NPEPPS: variants seen among roughly 807,000 people sequenced by gnomAD.
NPEPPS encodes the protein puromycin-sensitive aminopeptidase.
A neutral mutation model predicts 115.5 loss-of-function variants in NPEPPS; 14 were observed. The ratio of observed to expected loss-of-function variants is 0.12; its 90% CI spans 0.08 to 0.19. The LOEUF is 0.19. Ranked by LOEUF, NPEPPS falls within the 10% of genes least tolerant of loss-of-function variation. The pLI, the probability that NPEPPS is intolerant of heterozygous loss-of-function variation, is 1.00. For missense variants in NPEPPS, 523 were observed against 1,110.8 expected, an observed-to-expected ratio of 0.47 and a Z score of 7.52; for synonymous variants, 285 against 390.6, an observed-to-expected ratio of 0.73 and a Z score of 3.19.
Position 47,591,942 on chromosome 17 carries a change from A to T in NPEPPS, c.1261-14A>T. On this transcript the variant is annotated splice_polypyrimidine_tract_variant and intron_variant, in intron 10 of 22. Transcript: ENST00000322157. Reference sequence around the variant, plus strand: ...CTGCTTCCTGTCATAACCCTGAATCACACTGTCTGCCAGGTCAGTGTGGGC... The same window carrying T: ...CTGCTTCCTGTCATAACCCTGAATCTCACTGTCTGCCAGGTCAGTGTGGGC... 2 of 899,172 alleles carry T rather than the reference A, an allele frequency of 2.2e-6. No homozygotes were observed. Among genetic ancestry groups the T allele is most frequent in the Non-Finnish European group, 3.6e-6 (2 of 563,166 alleles). 55.7% of individuals were successfully genotyped at this position (899,172 alleles called of 1,614,324 possible). A position where few individuals can be genotyped will look rare whatever the true frequency, so the allele number is the denominator to read the frequency against.
chr17:47,604,071 A>G, intron 16 of NPEPPS, 22 bp downstream of exon 16: 2 of 1,596,384 alleles, frequency 1.3e-6, no homozygotes, highest in Non-Finnish European at 1.7e-6. Flanking sequence ...TGACTTAAGT[A>G]ATATGATGGA....
intron 5 of NPEPPS, among the ~76,000 whole-genome samples, chr17:47,585,120 C>T (rs1004387348): frequency 1.3e-5 from 2 of 152,176 alleles, no homozygotes; most frequent in African/African-American, 2.4e-5. Flanking sequence ...AGCCACCGCG[C>T]CTAGCCCCTA....
chr17:47,596,126 C>A, intron 12 of NPEPPS: 1 of 375,262 alleles, frequency 2.7e-6, no homozygotes, highest in South Asian at 2.9e-5. Flanking sequence ...GCACTCTAGC[C>A]TGGGTGATGA....
At chr17:47,544,542 T>G (rs1482798225) in intron 1 of NPEPPS, among the ~76,000 whole-genome samples, 1 of 147,522 alleles carries the variant, frequency 6.8e-6, no homozygotes, top group African/African-American at 2.5e-5. Context: ...ATTTATTTAT[T>G]TATTTATTTT....
chr17:47,535,984 G>A (rs184160922), intron 1 of NPEPPS, among the ~76,000 whole-genome samples: 3,865 of 151,576 alleles, frequency 0.025, 150 homozygotes, highest in African/African-American at 0.086. Flanking sequence ...CTACAGGCAC[G>A]CGCCGCCATG....
At chr17:47,565,665 C>G (rs1311953280) in intron 2 of NPEPPS, among the ~76,000 whole-genome samples, 1 of 151,596 alleles carries the variant, frequency 6.6e-6, no homozygotes, top group Non-Finnish European at 1.5e-5. Flanking sequence ...ATAAAAAATA[C>G]AAAAATTAGT....
chr17:47,612,557 C>T lies in NPEPPS; in HGVS notation c.2193C>T (p.Asp731=), dbSNP rs1913938812. 6.2e-7 allele frequency: 1 copy of T among 1,613,744 alleles called. No homozygotes were observed. The highest frequency in any genetic ancestry group is 1.3e-5 in the African/African-American group (1 of 74,880). Residue 731 remains aspartate (D), a synonymous_variant, in exon 18 of 23, where the codon GAC becomes GAT. Transcript: ENST00000322157. ...AAGAAGCCCGTCGTCGGTTTAAGGA[C>T]CACGTGGAAGGAAAACAGATTCTCT... is the stretch of plus-strand genomic sequence containing the variant. ...TLEEARRRFK[D]HVEGKQILSA...
chr17:47,557,631 T>A (rs1332629162), intron 2 of NPEPPS: 1 of 149,316 alleles, frequency 6.7e-6, no homozygotes, highest in African/African-American at 2.4e-5. Context: ...ATGTACTGCT[T>A]TTAGCTGCAG....
At chr17:47,581,221 A>AATTAT (rs1461126104) in intron 4 of NPEPPS, 1 of 151,946 alleles carries the variant, frequency 6.6e-6, no homozygotes, top group African/African-American at 2.4e-5. Context: ...TTGCTTGTTA[A>AATTAT]ATTATATCTT....
Position 47,599,822 on chromosome 17 carries a change from T to C in NPEPPS, c.1600+83T>C, listed in dbSNP as rs1913082119. The C allele has an allele frequency of 2.5e-6, 3 of 1,199,822 alleles. No homozygotes were observed. The South Asian group carries it at 4.1e-5, about 16-fold the overall frequency. The allele number at this position is 1,199,822 out of a possible 1,614,324, so 74.3% of individuals were successfully genotyped here. ...AGTAGTATTCCAACTAATAGGAAAT[T>C]TTTCTTTTTTTTTTTTGAGGAGTCT... On this transcript the variant is annotated intron_variant, in intron 14 of 22. Transcript: ENST00000322157.
intron 2 of NPEPPS, among the ~76,000 whole-genome samples, chr17:47,556,741 T>C (rs1000096907): frequency 1.3e-5 from 2 of 152,164 alleles, no homozygotes; most frequent in African/African-American, 4.8e-5. Context: ...ACGGGGCGGC[T>C]CAAGCAATTC....
intron 19 of NPEPPS, among the ~76,000 whole-genome samples, chr17:47,615,367 T>C (rs1234789157): frequency 6.6e-6 from 1 of 152,170 alleles, no homozygotes; most frequent in Non-Finnish European, 1.5e-5. Flanking sequence ...TGAGCCACCA[T>C]GTCTGGCCTG....
chr17:47,558,757 G>A (rs1381628202), intron 2 of NPEPPS, among the ~76,000 whole-genome samples: 1 of 152,216 alleles, frequency 6.6e-6, no homozygotes, highest in East Asian at 1.9e-4. Context: ...TCTTGCGGCT[G>A]GGTGTGGTGG....
chr17:47,559,228 G>T (rs1435317305), intron 2 of NPEPPS, among the ~76,000 whole-genome samples: 1 of 152,080 alleles, frequency 6.6e-6, no homozygotes, highest in Non-Finnish European at 1.5e-5. Flanking sequence ...TTTTAGTAGA[G>T]ATGGGGTCTT....
intron 2 of NPEPPS, among the ~76,000 whole-genome samples, chr17:47,549,195 T>A (rs529862283): frequency 4.9e-4 from 75 of 151,812 alleles, no homozygotes; most frequent in Non-Finnish European, 9.6e-4. Flanking sequence ...ATAAAAAAAT[T>A]AGCTGGGTGT....
intron 2 of NPEPPS, among the ~76,000 whole-genome samples, chr17:47,564,224 C>T (rs542624608): frequency 6.6e-6 from 1 of 152,192 alleles, no homozygotes; most frequent in Non-Finnish European, 1.5e-5. Context: ...GCCTGGCCCT[C>T]AATCTTTAAT....
At chr17:47,538,623 G>A (rs1227167181) in intron 1 of NPEPPS, among the ~76,000 whole-genome samples, 14 of 146,642 alleles carry the variant, frequency 9.5e-5, no homozygotes, top group East Asian at 2.1e-4. Context: ...TCCGCCTCCC[G>A]GGTTTAAGCG....
At chr17:47,559,996 A>G (rs965527979) in intron 2 of NPEPPS, among the ~76,000 whole-genome samples, 13 of 152,144 alleles carry the variant, frequency 8.5e-5, no homozygotes, top group African/African-American at 3.1e-4. Context: ...TCTCTGCTAG[A>G]TCAGCAAATG....
intron 12 of NPEPPS, among the ~76,000 whole-genome samples, chr17:47,594,591 T>TTATGTTATGTTATGTTATGTTATG (rs1912730751): frequency 2.2e-5 from 3 of 138,294 alleles, no homozygotes; most frequent in South Asian, 2.4e-4. Context: ...TGTATTTTAT[T>TTATGTTATGTTATGTTATGTTATG]TTATGTTATG....
Sources: allele counts gnomAD v4.1 joint callset (sites outside exome capture counted in the v4.1 genomes callset), GRCh38; gene constraint gnomAD v4.1.1; transcripts MANE v1.5; gene names NCBI Gene and HGNC (gene_info 2026-07-23, HGNC 2026-07-21).